Variants in MYT1L observed in about 807,000 individuals in gnomAD.
The protein encoded by MYT1L is myelin transcription factor 1-like protein.
A neutral mutation model predicts 126.7 loss-of-function variants in MYT1L; 12 were observed. The observed-to-expected ratio is 0.09, with a 90% confidence interval of 0.06 to 0.15. The LOEUF is 0.15. MYT1L is among the 10% of genes least tolerant of loss of function. MYT1L has a pLI of 1.00. For missense variants in MYT1L, 979 were observed against 1,585.2 expected (o/e 0.62, Z 6.49); for synonymous variants, 541 against 604.2 (o/e 0.90, Z 1.53).
rs571718543 is a variant in MYT1L, at chr2:2,177,150, G to A, written c.-420-4162C>T. ...CAACAGGACTGTCACACAGGTTTGC[G>A]TGGATGTAAATGGAACAACCTTGTT... On this transcript the variant is annotated intron_variant, in intron 2 of 24. Coordinates refer to ENST00000647738, the MANE Select transcript of MYT1L (RefSeq NM_001303052.2). 1.8e-4 allele frequency among the ~76,000 whole-genome samples: 27 copies of A among 152,338 alleles called. No individual in the cohort carries two copies. In the South Asian group the frequency reaches 5.4e-3, roughly 30 times the overall value.
intron 4 of MYT1L, among the ~76,000 whole-genome samples, chr2:2,034,268 A>G (rs555375240): frequency 6.6e-6 from 1 of 152,020 alleles, no homozygotes; most frequent in East Asian, 1.9e-4. Context: ...CGGGTGCAGA[A>G]GAGAGCTCCT....
In MYT1L at chr2:1,979,276, G is replaced by C. The variant is rs760775390; in HGVS notation, c.90-49C>G. 2.4e-5 allele frequency: 37 copies of C among 1,540,158 alleles called. No individual in the cohort carries two copies. In the East Asian group the frequency reaches 8.1e-4, roughly 34 times the overall value. ...CACGGTGCCGCAGGCAGGCAGGTGA[G>C]ACGGAAAGCTTCCGTGGCAGCAGAG... On this transcript the variant is annotated intron_variant, in intron 7 of 24. Coordinates refer to ENST00000647738, the MANE Select transcript of MYT1L (RefSeq NM_001303052.2). This position sits in a 1 kb window ranked among gnomAD's most constrained non-coding sequence, Gnocchi z 4.0.
intron 3 of MYT1L, among the ~76,000 whole-genome samples, chr2:2,110,640 C>T (rs754565126): frequency 1.4e-5 from 2 of 143,046 alleles, no homozygotes; most frequent in African/African-American, 2.5e-5. Flanking sequence ...CTCATTCTTT[C>T]CTTCCTCTGC....
In MYT1L at chr2:2,270,904, T is replaced by C. The variant is rs73914904; in HGVS notation, c.-421+13500A>G. 6.6e-3 allele frequency among the ~76,000 whole-genome samples: 1,010 copies of C among 152,166 alleles called. 13 individuals are homozygous for C. Among genetic ancestry groups the C allele is most frequent in the African/African-American group, 0.023 (959 of 41,502 alleles). On this transcript the variant is annotated intron_variant, in intron 2 of 24. Transcript: ENST00000647738. ...TTTAAAAATCGGCTGACGCTGACTC[T>C]TGTTTCATTTCTTTTCCCTTCCTGG... is the stretch of plus-strand genomic sequence containing the variant.
chr2:2,263,728 C>G (rs1337421601), intron 2 of MYT1L, among the ~76,000 whole-genome samples: 1 of 152,124 alleles, frequency 6.6e-6, no homozygotes, highest in Non-Finnish European at 1.5e-5. Flanking sequence ...ACGACTAGAC[C>G]TTTCAGGATC....
chr2:2,177,654 T>C (rs116111205), intron 2 of MYT1L, among the ~76,000 whole-genome samples: 1,766 of 152,286 alleles, frequency 0.012, 42 homozygotes, highest in African/African-American at 0.039. Flanking sequence ...ACATGGTACA[T>C]GGTGGCAGGT....
At chr2:2,265,986 GTTAGAAA>G (rs2095119459) in intron 2 of MYT1L, among the ~76,000 whole-genome samples, 1 of 152,094 alleles carries the variant, frequency 6.6e-6, no homozygotes, top group African/African-American at 2.4e-5. Context: ...TCCCATAGAG[GTTAGAAA>G]CAGAATAGCT....
At chr2:1,804,722 T>C (rs7577940) in intron 22 of MYT1L, among the ~76,000 whole-genome samples, 87,871 of 152,028 alleles carry the variant, frequency 0.58, 25,913 homozygotes, top group South Asian at 0.77. Context: ...GGAATTTCCA[T>C]GCCTCCTGGA....
rs568414998 is a variant in MYT1L at position 1,894,759 on chromosome 2, G to A, written c.2033-2472C>T. The stretch of plus-strand genomic sequence containing the variant: ...CCTTGCACTCAGCGTTGGTGAGGGC[G>A]ATGCTCAGGAGTGTGGGTGTGGAGG... On this transcript the variant is annotated intron_variant, in intron 14 of 24. Transcript: ENST00000647738. Among the ~76,000 whole-genome samples, 5 of 152,292 alleles carry A rather than the reference G, an allele frequency of 3.3e-5. No homozygotes were observed. In the South Asian group the frequency reaches 6.2e-4, roughly 19 times the overall value.
chr2:2,093,309 G>A (rs1310431132), intron 3 of MYT1L, among the ~76,000 whole-genome samples: 2 of 151,512 alleles, frequency 1.3e-5, no homozygotes, highest in South Asian at 4.2e-4. Flanking sequence ...CAGCGGAGCA[G>A]GGGGTGGGGC....
intron 3 of MYT1L, among the ~76,000 whole-genome samples, chr2:2,143,287 CT>C (rs1246960200): frequency 6.8e-5 from 9 of 132,928 alleles, no homozygotes; most frequent in African/African-American, 2.3e-4. Context: ...GAGACTCCGT[CT>C]CAAAAAAAAA....
At chr2:1,928,733 A>G (rs776350053) in intron 9 of MYT1L, among the ~76,000 whole-genome samples, 50 of 152,118 alleles carry the variant, frequency 3.3e-4, no homozygotes, top group Admixed American at 7.2e-4. Flanking sequence ...TGTATCACCA[A>G]CCACTCAGAG....
At chr2:1,838,448 T>C (rs775879351) in intron 21 of MYT1L, among the ~76,000 whole-genome samples, 3 of 152,128 alleles carry the variant, frequency 2.0e-5, no homozygotes, top group Non-Finnish European at 2.9e-5. Context: ...AAGGAAACCA[T>C]TGTAAATCTC....
intron 1 of MYT1L, among the ~76,000 whole-genome samples, chr2:2,310,705 A>G (rs528379245): frequency 1.3e-5 from 2 of 152,260 alleles, no homozygotes; most frequent in East Asian, 3.9e-4. Flanking sequence ...CACCTAACTT[A>G]TATTTACCAC....
At chr2:2,080,355 T>C (rs2075688103) in intron 3 of MYT1L, among the ~76,000 whole-genome samples, 1 of 152,086 alleles carries the variant, frequency 6.6e-6, no homozygotes, top group African/African-American at 2.4e-5. Flanking sequence ...AAAAAGTTGA[T>C]CTGACAAAGG....
At chr2:1,850,087 T>C (rs1281657637) in intron 19 of MYT1L, among the ~76,000 whole-genome samples, 2 of 151,720 alleles carry the variant, frequency 1.3e-5, no homozygotes, top group East Asian at 3.9e-4. Context: ...TAGCTTCCTT[T>C]ATCTCCCTCT....
intron 12 of MYT1L, among the ~76,000 whole-genome samples, chr2:1,911,328 T>C (rs972729072): frequency 2.6e-5 from 4 of 152,110 alleles, no homozygotes; most frequent in African/African-American, 9.7e-5. Flanking sequence ...CGTGAACTCA[T>C]AAAACCATAG....
At chr2:2,070,165 T>C (rs2074419021) in intron 3 of MYT1L, among the ~76,000 whole-genome samples, 1 of 152,108 alleles carries the variant, frequency 6.6e-6, no homozygotes, top group South Asian at 2.1e-4. Context: ...CCCCAAAATA[T>C]AGGAAAAACC....
rs1428175585 is a variant in MYT1L, at chr2:1,801,608, A to G, written c.3276+88T>C. The stretch of plus-strand genomic sequence containing the variant: ...AAAAGAGCAAATAAGAGGAAACGAC[A>G]GCTCTCCTAAAAGCTGATTTCATGC... On this transcript the variant is annotated intron_variant, in intron 23 of 24. Coordinates refer to ENST00000647738, the MANE Select transcript of MYT1L (RefSeq NM_001303052.2). The surrounding 1 kb of genome is among the most constrained non-coding windows in gnomAD (Gnocchi z 4.2). 3 of 791,608 alleles carry G rather than the reference A, an allele frequency of 3.8e-6. No homozygotes were observed. The highest frequency in any genetic ancestry group is 6.4e-6 in the Non-Finnish European group (3 of 469,478). 49.0% of individuals were successfully genotyped at this position (791,608 alleles called of 1,614,324 possible).
Sources: allele counts gnomAD v4.1 joint callset (sites outside exome capture counted in the v4.1 genomes callset), GRCh38; gene constraint gnomAD v4.1.1; non-coding constraint Gnocchi (gnomAD v3.1); transcripts MANE v1.5; gene names NCBI Gene and HGNC (gene_info 2026-07-23, HGNC 2026-07-21).